The following ASCC3 variants were observed in gnomAD, a reference collection of about 807,000 sequenced individuals.
ASCC3 encodes activating signal cointegrator 1 complex subunit 3, also known as ASC-1 complex subunit P200.
ASCC3 carries 158 observed loss-of-function variants against 256.3 expected under a neutral mutation model. That is an observed-to-expected ratio of 0.62 (90% CI 0.54 to 0.70). ASCC3 has a LOEUF of 0.70. Ranked by LOEUF, ASCC3 falls within the 30% of genes least tolerant of loss-of-function variation. ASCC3 has a pLI of 0.00. For missense variants in ASCC3, 2,259 were observed against 2,626.0 expected (o/e 0.86, Z 3.05); for synonymous variants, 948 against 883.4 (o/e 1.07, Z -1.30).
intron 37 of ASCC3, among the ~76,000 whole-genome samples, chr6:100,534,302 A>C (rs1775060615): frequency 6.6e-6 from 1 of 152,110 alleles, no homozygotes; most frequent in African/African-American, 2.4e-5. Flanking sequence ...ATACACAAAA[A>C]AGGCAGAGAG....
rs563485302 is a variant in ASCC3 at position 100,822,027 on chromosome 6, A to C, written c.802-16147T>G. Among the ~76,000 whole-genome samples, 12 of 152,206 alleles carry C rather than the reference A, an allele frequency of 7.9e-5. No homozygotes were observed. The South Asian group carries it at 2.5e-3, about 32-fold the overall frequency. ...GGTGGAGGGGGTAGGGAGAAGGAGAATGGAAGATGGTAGTTAAAGGTCAAA... is the reference window on the plus strand; with the variant it reads ...GGTGGAGGGGGTAGGGAGAAGGAGACTGGAAGATGGTAGTTAAAGGTCAAA... On this transcript the variant is annotated intron_variant, in intron 4 of 41. Coordinates refer to ENST00000369162, the MANE Select transcript of ASCC3 (RefSeq NM_006828.4).
intron 16 of ASCC3, among the ~76,000 whole-genome samples, chr6:100,656,150 T>A (rs539099076): frequency 1.3e-4 from 20 of 151,728 alleles, no homozygotes; most frequent in Non-Finnish European, 2.7e-4. Context: ...ATACAACTTA[T>A]TTTAGTTTCA....
intron 13 of ASCC3, among the ~76,000 whole-genome samples, chr6:100,697,902 T>C (rs1003365121): frequency 1.3e-5 from 2 of 152,164 alleles, no homozygotes; most frequent in African/African-American, 2.4e-5. Context: ...AATAGGTCTA[T>C]GGCATGCACA....
chr6:100,654,959 T>C (rs1344958123), intron 17 of ASCC3, among the ~76,000 whole-genome samples: 1 of 151,940 alleles, frequency 6.6e-6, no homozygotes, highest in African/African-American at 2.4e-5. Flanking sequence ...TAGGGGAAAC[T>C]ATAATTTTGA....
At chr6:100,652,937 C>T (rs1775741222) in intron 17 of ASCC3, 48 bp from the exon 18 acceptor site, 1 of 1,538,122 alleles carries the variant, frequency 6.5e-7, no homozygotes, top group Admixed American at 1.7e-5. Flanking sequence ...TAGAGAGTAA[C>T]CATTTGCAAA....
intron 30 of ASCC3, among the ~76,000 whole-genome samples, chr6:100,607,452 A>C (rs1772956341): frequency 6.6e-6 from 1 of 151,946 alleles, no homozygotes; most frequent in African/African-American, 2.4e-5. Flanking sequence ...TCAGTGCCAA[A>C]AATTTTAAAA....
At chr6:100,780,704 GC>G (rs1276910981) in intron 8 of ASCC3, among the ~76,000 whole-genome samples, 1 of 152,134 alleles carries the variant, frequency 6.6e-6, no homozygotes, top group Non-Finnish European at 1.5e-5. Flanking sequence ...TCCTTGGTAA[GC>G]ATAAAAACAA....
At position 100,559,770 on chromosome 6, in the gene ASCC3, T is replaced by C. The variant is rs138790978; in HGVS notation, c.5551-19383A>G. 5.4e-3 allele frequency among the ~76,000 whole-genome samples: 805 copies of C among 149,680 alleles called. 8 individuals are homozygous for C. The highest frequency in any genetic ancestry group is 0.019 in the African/African-American group (772 of 40,658). On this transcript the variant is annotated intron_variant, in intron 36 of 41. Transcript: ENST00000369162. ...CTGAGGCAGGAGAATTGCTTGAACC[T>C]GGGAGGAGGAGGTTGCAGAGAGCTG...
intron 16 of ASCC3, among the ~76,000 whole-genome samples, chr6:100,661,341 AC>A (rs1336704627): frequency 3.3e-5 from 5 of 151,418 alleles, no homozygotes; most frequent in Non-Finnish European, 7.4e-5. Flanking sequence ...ACACACACAC[AC>A]ACACACACAC....
intron 7 of ASCC3, among the ~76,000 whole-genome samples, 147 bp downstream of exon 7, chr6:100,799,277 ACATACAC>A (rs1472615714): frequency 1.3e-5 from 2 of 152,168 alleles, no homozygotes; most frequent in African/African-American, 4.8e-5. Context: ...CAGGAGCTTT[ACATACAC>A]CACATTATGT....
At chr6:100,676,735 TGC>T (rs1254287520) in intron 14 of ASCC3, among the ~76,000 whole-genome samples, 6 of 135,120 alleles carry the variant, frequency 4.4e-5, no homozygotes, top group African/African-American at 1.4e-4. Flanking sequence ...AATGTATGTG[TGC>T]GCGCGCGTGC....
intron 34 of ASCC3, among the ~76,000 whole-genome samples, chr6:100,593,560 C>T (rs1046663284): frequency 2.0e-5 from 3 of 152,134 alleles, no homozygotes; most frequent in Non-Finnish European, 4.4e-5. Flanking sequence ...TTACACCAAA[C>T]GGTTTGGATT....
chr6:100,647,143 A>C, intron 21 of ASCC3, 83 bp downstream of exon 21: 1 of 1,244,772 alleles, frequency 8.0e-7, no homozygotes, highest in South Asian at 1.3e-5. Flanking sequence ...TAATGTGGAA[A>C]TTCACAATAC....
chr6:100,824,027 G>A (rs557703600), intron 4 of ASCC3, among the ~76,000 whole-genome samples: 16 of 151,934 alleles, frequency 1.1e-4, no homozygotes, highest in Non-Finnish European at 1.8e-4. Context: ...TATAAAAATC[G>A]GCTTAAAAAA....
intron 8 of ASCC3, among the ~76,000 whole-genome samples, chr6:100,798,327 T>A (rs2114335159): frequency 6.6e-6 from 1 of 152,140 alleles, no homozygotes; most frequent in East Asian, 1.9e-4. Context: ...AAAAAATAAA[T>A]TCTTAAAACT....
intron 14 of ASCC3, among the ~76,000 whole-genome samples, 190 bp downstream of exon 14, chr6:100,679,428 A>G (rs1245304404): frequency 6.6e-6 from 1 of 152,196 alleles, no homozygotes; most frequent in African/African-American, 2.4e-5. Context: ...GAAAGGAATG[A>G]TAAGTGTTAT....
intron 26 of ASCC3, among the ~76,000 whole-genome samples, chr6:100,629,750 C>T (rs539181319): frequency 6.6e-6 from 1 of 152,046 alleles, no homozygotes; most frequent in Admixed American, 6.6e-5. Context: ...TATGTACCAA[C>T]TCATTATAAG....
intron 24 of ASCC3, among the ~76,000 whole-genome samples, chr6:100,641,502 A>C (rs1159682910): frequency 6.6e-6 from 1 of 152,166 alleles, no homozygotes; most frequent in Non-Finnish European, 1.5e-5. Context: ...TCTTCTTTTG[A>C]GAAGTGTCTG....
chr6:100,519,331 T>C (rs1774187845), intron 37 of ASCC3, among the ~76,000 whole-genome samples: 1 of 152,162 alleles, frequency 6.6e-6, no homozygotes, highest in South Asian at 2.1e-4. Context: ...CTGCTAGATA[T>C]ACATCATAAA....
Sources: allele counts gnomAD v4.1 joint callset (sites outside exome capture counted in the v4.1 genomes callset), GRCh38; gene constraint gnomAD v4.1.1; transcripts MANE v1.5; gene names NCBI Gene and HGNC (gene_info 2026-07-23, HGNC 2026-07-21).